COL22A1: variants seen among roughly 807,000 people sequenced by gnomAD.
COL22A1 encodes the protein collagen type XXII alpha 1 chain, also known as collagen alpha-1(XXII) chain.
COL22A1 carries 221 observed loss-of-function variants against 248.9 expected under a neutral mutation model. The observed-to-expected ratio is 0.89, with a 90% CI of 0.80 to 0.99. The LOEUF (loss-of-function observed/expected upper bound fraction) is 0.99. COL22A1 is among the 50% of genes least tolerant of loss of function. The pLI, the probability that COL22A1 is intolerant of heterozygous loss-of-function variation, is 0.00. For synonymous variants in COL22A1, 891 were observed against 793.4 expected, an observed-to-expected ratio of 1.12 and a Z score of -2.07; for missense variants, 2,240 against 2,179.0, an observed-to-expected ratio of 1.03 and a Z score of -0.56.
At chr8:138,724,351 A>T (rs899800223) in intron 25 of COL22A1, among the ~76,000 whole-genome samples, 2 of 152,190 alleles carry the variant, frequency 1.3e-5, no homozygotes, top group African/African-American at 4.8e-5. Context: ...TGGTGAAAAG[A>T]GAAAGGTCAG....
intron 4 of COL22A1, among the ~76,000 whole-genome samples, chr8:138,835,649 C>T (rs1329678452): frequency 1.3e-5 from 2 of 152,208 alleles, no homozygotes; most frequent in East Asian, 1.9e-4. Flanking sequence ...TAGGGCCTCA[C>T]TCTGAGCTGT....
At chr8:138,845,334 C>T (rs1440535703) in intron 3 of COL22A1, among the ~76,000 whole-genome samples, 2 of 152,000 alleles carry the variant, frequency 1.3e-5, no homozygotes, top group South Asian at 2.1e-4. Context: ...CATGGTGAAA[C>T]CCCGGCTCTA....
At chr8:138,600,896 G>T (rs1416488506) in intron 60 of COL22A1, among the ~76,000 whole-genome samples, 1 of 152,150 alleles carries the variant, frequency 6.6e-6, no homozygotes, top group East Asian at 1.9e-4. Flanking sequence ...GCATGGTACA[G>T]AATTTTCTAT....
chr8:138,835,463 C>G (rs936239934), intron 4 of COL22A1, among the ~76,000 whole-genome samples: 1 of 152,178 alleles, frequency 6.6e-6, no homozygotes, highest in Non-Finnish European at 1.5e-5. Context: ...ACTGAGGTCC[C>G]CTGTGGTGCA....
intron 30 of COL22A1, among the ~76,000 whole-genome samples, chr8:138,707,610 A>G (rs1828581639): frequency 1.3e-5 from 2 of 152,222 alleles, no homozygotes; most frequent in African/African-American, 4.8e-5. Flanking sequence ...AACTCTCAAT[A>G]TATTAGGTAT....
intron 1 of COL22A1, among the ~76,000 whole-genome samples, chr8:138,893,973 G>A (rs1349142970): frequency 6.6e-6 from 1 of 152,184 alleles, no homozygotes; most frequent in Non-Finnish European, 1.5e-5. Flanking sequence ...TGGGAAGTAG[G>A]CAAAAGGACA....
chr8:138,720,657 T>C (rs1829802288), intron 27 of COL22A1, 82 bp downstream of exon 27: 8 of 1,120,594 alleles, frequency 7.1e-6, no homozygotes, highest in South Asian at 3.7e-5. Flanking sequence ...GCTATGCTTA[T>C]GGTAAGTCGA....
chr8:138,654,150 T>G (rs1401132151), intron 45 of COL22A1, among the ~76,000 whole-genome samples: 1 of 152,196 alleles, frequency 6.6e-6, no homozygotes, highest in Non-Finnish European at 1.5e-5. Flanking sequence ...ATCTTGAGGT[T>G]GAAATCCTCT....
intron 62 of COL22A1, among the ~76,000 whole-genome samples, chr8:138,596,412 A>G (rs57128052): frequency 0.052 from 7,927 of 152,288 alleles, 648 homozygotes; most frequent in African/African-American, 0.18. Context: ...AGCCTTCATT[A>G]ATCCACTCCC....
At chr8:138,863,916 T>C (rs895321033) in intron 3 of COL22A1, among the ~76,000 whole-genome samples, 1 of 152,224 alleles carries the variant, frequency 6.6e-6, no homozygotes, top group African/African-American at 2.4e-5. Context: ...GAAAAGGGTT[T>C]CCGCTCTCGG....
intron 1 of COL22A1, among the ~76,000 whole-genome samples, chr8:138,886,880 TTCTC>T: frequency 6.6e-6 from 1 of 152,262 alleles, no homozygotes; most frequent in South Asian, 2.1e-4. Context: ...TGGGGATGTT[TTCTC>T]TCTTTTTTAT....
chr8:138,708,079 G>A (rs1828627449), intron 30 of COL22A1, among the ~76,000 whole-genome samples: 1 of 152,088 alleles, frequency 6.6e-6, no homozygotes, highest in Non-Finnish European at 1.5e-5. Context: ...CAACTTACAA[G>A]GGACATGAAG....
chr8:138,697,667 C>T (rs981333708), intron 32 of COL22A1, among the ~76,000 whole-genome samples: 5 of 152,202 alleles, frequency 3.3e-5, no homozygotes, highest in Non-Finnish European at 7.3e-5. Flanking sequence ...ACCCCCTCAT[C>T]TCCTTTCCAT....
chr8:138,591,525 T>C, intron 63 of COL22A1, 24 bp from the exon 64 acceptor site: 1 of 1,514,188 alleles, frequency 6.6e-7, no homozygotes, highest in East Asian at 2.5e-5. Flanking sequence ...CATGCACTTT[T>C]GATGGTGGAG....
At chr8:138,816,210 G>A (rs1818675345) in intron 7 of COL22A1, among the ~76,000 whole-genome samples, 1 of 152,208 alleles carries the variant, frequency 6.6e-6, no homozygotes, top group Admixed American at 6.5e-5. Flanking sequence ...AGAGCACACT[G>A]GATTGGGGAT....
chr8:138,742,921 G>A (rs1433917677), intron 22 of COL22A1, among the ~76,000 whole-genome samples: 2 of 151,382 alleles, frequency 1.3e-5, no homozygotes, highest in African/African-American at 4.9e-5. Context: ...TGATTGTGAT[G>A]GTAATGGTGG....
intron 3 of COL22A1, among the ~76,000 whole-genome samples, chr8:138,847,918 A>G (rs1313969088): frequency 6.6e-6 from 1 of 152,138 alleles, no homozygotes; most frequent in Non-Finnish European, 1.5e-5. Flanking sequence ...CTGATATGCC[A>G]GTGTAACCAG....
intron 57 of COL22A1, 135 bp downstream of exon 57, chr8:138,607,801 C>T (rs150833215): frequency 0.02 from 14,675 of 750,370 alleles, 181 homozygotes; most frequent in South Asian, 0.026. Context: ...TTACCTCCAA[C>T]CTATTTCTAC....
rs1817637008 is a variant in COL22A1 at position 138,806,061 on chromosome 8, TGGTGGTGTGTGTGATGGTGTGTGTAA to T, written c.1494+1681_1494+1706del. Among the ~76,000 whole-genome samples the T allele has an allele frequency of 5.1e-5, 7 of 137,492 alleles. 1 individual carries two copies. The highest frequency in any genetic ancestry group is 2.4e-4 in the South Asian group (1 of 4,242). The allele number at this position is 137,492 out of a possible 152,430, so 90.2% of individuals were successfully genotyped here. A position where few individuals can be genotyped will look rare whatever the true frequency, so the allele number is the denominator to read the frequency against. On this transcript the variant is annotated intron_variant, in intron 10 of 64. Transcript: ENST00000303045. Reference sequence around the variant, plus strand: ...GTGTGATGGTGTAGGTAATGGTGTGTGGTGGTGTGTGTGATGGTGTGTGTAATGGTGTGTGATGGTGTGTTTGTGTG... The same window carrying T: ...GTGTGATGGTGTAGGTAATGGTGTGTTGGTGTGTGATGGTGTGTTTGTGTG...
Sources: allele counts gnomAD v4.1 joint callset (sites outside exome capture counted in the v4.1 genomes callset), GRCh38; gene constraint gnomAD v4.1.1; transcripts MANE v1.5; gene names NCBI Gene and HGNC (gene_info 2026-07-23, HGNC 2026-07-21).